Variants in CDC16 observed in about 807,000 individuals in gnomAD.
CDC16 encodes cell division cycle protein 16 homolog.
CDC16 carries 34 observed loss-of-function variants against 87.0 expected under a neutral mutation model. That is an observed-to-expected ratio of 0.39 (90% CI 0.30 to 0.52). The LOEUF is 0.52. CDC16 is among the 20% of genes least tolerant of loss of function. The probability of loss-of-function intolerance (pLI) is 0.74; values close to 1 mark genes in which losing one functional copy is unlikely to be tolerated. For synonymous variants in CDC16, 263 were observed against 260.6 expected (o/e 1.01, Z -0.09); for missense variants, 653 against 751.9 (o/e 0.87, Z 1.54).
intron 13 of CDC16, among the ~76,000 whole-genome samples, chr13:114,257,779 T>A (rs930746019): frequency 6.6e-6 from 1 of 152,122 alleles, no homozygotes; most frequent in African/African-American, 2.4e-5. Context: ...GTTTCAGTTT[T>A]TTTTGGTTTT....
At chr13:114,252,814 C>T (rs570265901) in intron 12 of CDC16, among the ~76,000 whole-genome samples, 3 of 152,202 alleles carry the variant, frequency 2.0e-5, no homozygotes, top group Admixed American at 6.5e-5. Flanking sequence ...TTCAGTGTTT[C>T]CAAATCTAAC....
chr13:114,235,282 C>T, intron 1 of CDC16, 150 bp downstream of exon 1: 1 of 529,742 alleles, frequency 1.9e-6, no homozygotes, highest in Non-Finnish European at 2.9e-6. Flanking sequence ...GCGCTGTCTC[C>T]GCCTCGCCCA....
At chr13:114,247,917 G>A (rs1336644028) in intron 11 of CDC16, among the ~76,000 whole-genome samples, 1 of 148,446 alleles carries the variant, frequency 6.7e-6, no homozygotes, top group Non-Finnish European at 1.5e-5. Context: ...GAATAAATAT[G>A]AAACAATAGA....
intron 2 of CDC16, 27 bp downstream of exon 2, chr13:114,236,726 T>C: frequency 1.9e-6 from 3 of 1,613,916 alleles, no homozygotes; most frequent in Non-Finnish European, 2.5e-6. Context: ...TAACTGGTTT[T>C]CTGATTAATC....
At chr13:114,270,355 G>A (rs1236023426) in intron 17 of CDC16, among the ~76,000 whole-genome samples, 1 of 152,058 alleles carries the variant, frequency 6.6e-6, no homozygotes, top group Non-Finnish European at 1.5e-5. Context: ...CCAAGAGGAT[G>A]GTACTAAACC....
Position 114,240,967 on chromosome 13 carries a change from C to T in CDC16, c.382-1154C>T, listed in dbSNP as rs1265738479. 2.6e-5 allele frequency among the ~76,000 whole-genome samples: 4 copies of T among 152,222 alleles called. No individual in the cohort carries two copies. The East Asian group carries it at 7.7e-4, about 29-fold the overall frequency. ...TTAAAAAACAACTCCTAGGATATTG[C>T]TTAGTTCGAAGACTCTCATAATTCA... On this transcript the variant is annotated intron_variant, in intron 5 of 17. Transcript: ENST00000356221.
At chr13:114,239,130 A>G in intron 4 of CDC16, 102 bp downstream of exon 4, 3 of 1,505,732 alleles carry the variant, frequency 2.0e-6, no homozygotes, top group Non-Finnish European at 2.7e-6. Flanking sequence ...TTAGCAGGTT[A>G]GTAAAGTATT....
intron 14 of CDC16, 71 bp from the exon 15 acceptor site, chr13:114,261,816 A>C: frequency 9.3e-7 from 1 of 1,074,044 alleles, no homozygotes; most frequent in Non-Finnish European, 1.4e-6. Flanking sequence ...GGCGTGAAAT[A>C]ATTCAGTGCA....
intron 17 of CDC16, among the ~76,000 whole-genome samples, chr13:114,271,793 T>C (rs2083693924): frequency 6.6e-6 from 1 of 152,152 alleles, no homozygotes; most frequent in African/African-American, 2.4e-5. Context: ...ACAGTGCAGT[T>C]CTTACCTGTA....
At chr13:114,254,214 C>T (rs2082366596) in intron 12 of CDC16, among the ~76,000 whole-genome samples, 1 of 152,122 alleles carries the variant, frequency 6.6e-6, no homozygotes, top group Non-Finnish European at 1.5e-5. Context: ...TGACAACATA[C>T]AGTTAGATCC....
At chr13:114,244,812 C>G in intron 8 of CDC16, 78 bp from the exon 9 acceptor site, 1 of 803,192 alleles carries the variant, frequency 1.2e-6, no homozygotes, top group Non-Finnish European at 2.1e-6. Flanking sequence ...ACCATAATGA[C>G]TGTCTACACA....
chr13:114,260,274 A>T (rs2082757456), intron 14 of CDC16, among the ~76,000 whole-genome samples: 1 of 152,176 alleles, frequency 6.6e-6, no homozygotes, highest in South Asian at 2.1e-4. Context: ...TGAACTTATA[A>T]ACACTATTTC....
Position 114,267,425 on chromosome 13 carries a change from C to T in CDC16, c.1603+2185C>T, listed in dbSNP as rs184586657. ...CTGAGGCAGGAGAATCACTTGAACC[C>T]GGGAGGCAGAGGTTGCAGTGAGCCA... On this transcript the variant is annotated intron_variant, in intron 17 of 17. Coordinates refer to ENST00000356221, the MANE Select transcript of CDC16 (RefSeq NM_001078645.3). Among the ~76,000 whole-genome samples the T allele has an allele frequency of 2.1e-3, 323 of 152,096 alleles. 3 individuals carry two copies. Among genetic ancestry groups the T allele is most frequent in the Middle Eastern group, 6.8e-3 (2 of 292 alleles).
At chr13:114,237,199 G>C (rs1251566325) in intron 3 of CDC16, among the ~76,000 whole-genome samples, 1 of 151,148 alleles carries the variant, frequency 6.6e-6, no homozygotes, top group African/African-American at 2.4e-5. Context: ...CTCCAGCCTG[G>C]ACAACAGAGC....
intron 9 of CDC16, 94 bp from the exon 10 acceptor site, chr13:114,245,906 C>T: frequency 2.9e-6 from 2 of 697,912 alleles, no homozygotes; most frequent in Non-Finnish European, 5.0e-6. Flanking sequence ...GCTGTAAGAG[C>T]AGAATTATAT....
chr13:114,268,583 C>G (rs2139201543), intron 17 of CDC16, among the ~76,000 whole-genome samples: 1 of 152,282 alleles, frequency 6.6e-6, no homozygotes, highest in East Asian at 1.9e-4. Context: ...TGTGACCAAT[C>G]AGAGGCTGAA....
chr13:114,270,133 A>G (rs78749405), intron 17 of CDC16, among the ~76,000 whole-genome samples: 3,721 of 152,290 alleles, frequency 0.024, 160 homozygotes, highest in African/African-American at 0.085. Context: ...TTATAAGAAA[A>G]GAAATGTAAT....
In CDC16 at chr13:114,257,249, G is replaced by A. The variant is rs2082553868; in HGVS notation, c.1250+19G>A. Reference sequence around the variant, plus strand: ...ATGGAGAGTAAGTACTGGAAGACCAGAAACCCTTCTGTTAACTAGTGATTG... The same window carrying A: ...ATGGAGAGTAAGTACTGGAAGACCAAAAACCCTTCTGTTAACTAGTGATTG... On this transcript the variant is annotated intron_variant, in intron 13 of 17. Coordinates refer to ENST00000356221, the MANE Select transcript of CDC16 (RefSeq NM_001078645.3). 6.5e-7 allele frequency: 1 copy of A among 1,533,916 alleles called. No individual in the cohort carries two copies. Among genetic ancestry groups the A allele is most frequent in the Non-Finnish European group, 8.9e-7 (1 of 1,128,484 alleles).
Position 114,234,983 on chromosome 13 carries a change from C to CGGCGG in CDC16, c.-101_-97dup. On this transcript the variant is annotated 5_prime_UTR_variant, in exon 1 of 18. Transcript: ENST00000356221. ...CGGCCTTCGAGTCCTGGGGCGGCGG[C>CGGCGG]GGCGGCTGCAGGCACGGGCACGGGC... is the stretch of plus-strand genomic sequence containing the variant. The CGGCGG allele has an allele frequency of 2.1e-6, 2 of 953,914 alleles. No individual in the cohort carries two copies. Among genetic ancestry groups the CGGCGG allele is most frequent in the Non-Finnish European group, 2.7e-6 (2 of 732,668 alleles). The allele number at this position is 953,914 out of a possible 1,614,324, so 59.1% of individuals were successfully genotyped here. A position where few individuals can be genotyped will look rare whatever the true frequency, so the allele number is the denominator to read the frequency against.
Sources: allele counts gnomAD v4.1 joint callset (sites outside exome capture counted in the v4.1 genomes callset), GRCh38; gene constraint gnomAD v4.1.1; transcripts MANE v1.5; gene names NCBI Gene and HGNC (gene_info 2026-07-23, HGNC 2026-07-21).